The following LUZP2 variants were observed in gnomAD, a reference collection of about 807,000 sequenced individuals.
LUZP2 encodes the protein leucine zipper protein 2.
Under a neutral mutation model 51.6 loss-of-function variants are expected in LUZP2, and 52 were observed. The observed-to-expected ratio is 1.01, with a 90% CI of 0.81 to 1.27. LUZP2 has a LOEUF of 1.27. Among genes scored for constraint, LUZP2 ranks in the 50% most tolerant of loss-of-function variants. LUZP2 has a pLI of 0.00. For synonymous variants in LUZP2, 154 were observed against 137.3 expected (o/e 1.12, Z -0.85); for missense variants, 436 against 395.4 (o/e 1.10, Z -0.87).
chr11:24,918,517 C>T (rs1853877286), intron 7 of LUZP2, among the ~76,000 whole-genome samples: 1 of 151,758 alleles, frequency 6.6e-6, no homozygotes, highest in Admixed American at 6.6e-5. Context: ...AACAGTGCTT[C>T]ATGCTAAAAA....
intron 1 of LUZP2, among the ~76,000 whole-genome samples, chr11:24,718,511 G>T (rs2133946282): frequency 6.6e-6 from 1 of 152,298 alleles, no homozygotes; most frequent in East Asian, 1.9e-4. Context: ...AGCTCGTATG[G>T]CAAGGACAGT....
chr11:24,526,976 C>G (rs1397440292), intron 1 of LUZP2, among the ~76,000 whole-genome samples: 4 of 151,274 alleles, frequency 2.6e-5, no homozygotes, highest in Admixed American at 1.3e-4. Flanking sequence ...GAGAGGTAAT[C>G]CCAGAGATTT....
intron 5 of LUZP2, among the ~76,000 whole-genome samples, chr11:24,901,116 T>G (rs939249477): frequency 9.2e-5 from 14 of 152,150 alleles, no homozygotes; most frequent in Non-Finnish European, 1.5e-4. Flanking sequence ...TCTTGCCTAT[T>G]TCTCCTCTCT....
At chr11:24,636,633 A>G (rs1423552079) in intron 1 of LUZP2, among the ~76,000 whole-genome samples, 1 of 152,160 alleles carries the variant, frequency 6.6e-6, no homozygotes, top group Non-Finnish European at 1.5e-5. Flanking sequence ...TATTTTCTAC[A>G]TTGGCACAAC....
In LUZP2 at chr11:24,969,136, T is replaced by C. The variant is rs375052632; in HGVS notation, c.523-7455T>C. On this transcript the variant is annotated intron_variant, in intron 7 of 11. Transcript: ENST00000336930. Reference sequence around the variant, plus strand: ...ATCCCAGTACCCAATAGTTATCTTTTCTGCTTCTCTCCCTCCTTTCTACTC... The same window carrying C: ...ATCCCAGTACCCAATAGTTATCTTTCCTGCTTCTCTCCCTCCTTTCTACTC... Among the ~76,000 whole-genome samples, 275 of 152,256 alleles carry C rather than the reference T, an allele frequency of 1.8e-3. 2 individuals are homozygous for C. The highest frequency in any genetic ancestry group is 6.5e-3 in the African/African-American group (269 of 41,552).
At chr11:24,638,066 T>A (rs974620544) in intron 1 of LUZP2, among the ~76,000 whole-genome samples, 11 of 151,786 alleles carry the variant, frequency 7.2e-5, no homozygotes, top group African/African-American at 2.7e-4. Flanking sequence ...TGGCCAACAC[T>A]TAGGGAAAAT....
chr11:25,039,376 G>C (rs1486428639), intron 9 of LUZP2, among the ~76,000 whole-genome samples: 2 of 152,154 alleles, frequency 1.3e-5, no homozygotes, highest in Non-Finnish European at 2.9e-5. Context: ...TGCACCTGTG[G>C]GGTAGCCAGG....
intron 1 of LUZP2, among the ~76,000 whole-genome samples, chr11:24,663,634 T>C (rs1247990547): frequency 1.3e-5 from 2 of 152,174 alleles, no homozygotes; most frequent in Non-Finnish European, 2.9e-5. Context: ...TTTCTCTGAG[T>C]AGCTATGTAG....
chr11:24,916,281 A>G (rs571885993), intron 7 of LUZP2, among the ~76,000 whole-genome samples: 1 of 152,154 alleles, frequency 6.6e-6, no homozygotes, highest in South Asian at 2.1e-4. Context: ...GAGCTGATAT[A>G]TTCTCTAGAA....
At chr11:24,741,216 T>C (rs903001636) in intron 4 of LUZP2, among the ~76,000 whole-genome samples, 1 of 152,026 alleles carries the variant, frequency 6.6e-6, no homozygotes, top group Non-Finnish European at 1.5e-5. Flanking sequence ...TTGAAATGTT[T>C]GAGAGTGACC....
chr11:24,902,567 G>T (rs1853313923), intron 5 of LUZP2, among the ~76,000 whole-genome samples: 1 of 152,096 alleles, frequency 6.6e-6, no homozygotes, highest in African/African-American at 2.4e-5. Context: ...GTTTAGCACT[G>T]CTTGCTACTC....
chr11:25,059,403 A>G (rs951315603), intron 10 of LUZP2, among the ~76,000 whole-genome samples: 1 of 152,216 alleles, frequency 6.6e-6, no homozygotes, highest in Non-Finnish European at 1.5e-5. Context: ...GCAAAAGAGG[A>G]CATTATCTTT....
intron 7 of LUZP2, among the ~76,000 whole-genome samples, chr11:24,961,719 T>C (rs1184709216): frequency 6.6e-6 from 1 of 152,130 alleles, no homozygotes; most frequent in African/African-American, 2.4e-5. Flanking sequence ...TGTCTGTGTC[T>C]TTTAATTGAA....
rs1166342571 is a variant in LUZP2 at position 24,873,941 on chromosome 11, CT to C, written c.397-32049del. Among the ~76,000 whole-genome samples, 6 of 151,818 alleles carry C rather than the reference CT, an allele frequency of 4.0e-5. No individual in the cohort carries two copies. The East Asian group carries it at 1.2e-3, about 30-fold the overall frequency. On this transcript the variant is annotated intron_variant, in intron 5 of 11. Coordinates refer to ENST00000336930, the MANE Select transcript of LUZP2 (RefSeq NM_001009909.4). ...GGTTTTAATGATTCTGTAGATCTTCCTCTTGAGCTCTAACACCTGACAGGGA... is the reference window on the plus strand; with the variant it reads ...GGTTTTAATGATTCTGTAGATCTTCCCTTGAGCTCTAACACCTGACAGGGA...
chr11:24,880,604 A>C (rs1010149957), intron 5 of LUZP2, among the ~76,000 whole-genome samples: 1 of 152,138 alleles, frequency 6.6e-6, no homozygotes, highest in Non-Finnish European at 1.5e-5. Flanking sequence ...TTTGAGATTC[A>C]CTGGCTTACA....
At chr11:24,577,395 A>C (rs1035391460) in intron 1 of LUZP2, among the ~76,000 whole-genome samples, 6 of 152,090 alleles carry the variant, frequency 3.9e-5, no homozygotes, top group Non-Finnish European at 8.8e-5. Context: ...TTCTAGAAAA[A>C]ACAGTCCTTT....
intron 9 of LUZP2, among the ~76,000 whole-genome samples, chr11:24,990,388 T>C (rs1856303041): frequency 1.3e-5 from 2 of 152,102 alleles, no homozygotes; most frequent in Non-Finnish European, 2.9e-5. Flanking sequence ...CCATTTTGTT[T>C]TTCAGCAAAG....
At chr11:24,527,817 A>C (rs1850859710) in intron 1 of LUZP2, among the ~76,000 whole-genome samples, 1 of 151,332 alleles carries the variant, frequency 6.6e-6, no homozygotes, top group Non-Finnish European at 1.5e-5. Flanking sequence ...TCTCCTTTAA[A>C]GCTTAAAAAT....
chr11:24,620,526 C>T (rs1434535547), intron 1 of LUZP2, among the ~76,000 whole-genome samples: 1 of 152,166 alleles, frequency 6.6e-6, no homozygotes, highest in Non-Finnish European at 1.5e-5. Flanking sequence ...TCCTACACTG[C>T]TTACTTTTTA....
Sources: allele counts gnomAD v4.1 joint callset (sites outside exome capture counted in the v4.1 genomes callset), GRCh38; gene constraint gnomAD v4.1.1; transcripts MANE v1.5; gene names NCBI Gene and HGNC (gene_info 2026-07-23, HGNC 2026-07-21).